Variants in TBC1D20 observed in about 807,000 individuals in gnomAD.
TBC1D20 encodes TBC1 domain family member 20, also known as chromosome 20 open reading frame 140.
Under a neutral mutation model 41.6 loss-of-function variants are expected in TBC1D20, and 12 were observed. That is an observed-to-expected ratio of 0.29 (90% CI 0.18 to 0.47). The LOEUF (loss-of-function observed/expected upper bound fraction) is 0.47, where lower values mean the gene tolerates loss of function less well. Among genes scored for constraint, TBC1D20 ranks in the 20% least tolerant of loss-of-function variants. The pLI is 1.00. For missense variants in TBC1D20, 421 were observed against 517.4 expected, an observed-to-expected ratio of 0.81 and a Z score of 1.81; for synonymous variants, 205 against 204.8, an observed-to-expected ratio of 1.00 and a Z score of -0.01.
chr20:461,180 C>A (rs145301892), intron 1 of TBC1D20, among the ~76,000 whole-genome samples: 29 of 152,272 alleles, frequency 1.9e-4, no homozygotes, highest in African/African-American at 6.7e-4. Context: ...GGGAAAGTCA[C>A]CTTAGTCTTC....
At chr20:453,177 A>AAC (rs2017477702) in intron 1 of TBC1D20, among the ~76,000 whole-genome samples, 1 of 140,510 alleles carries the variant, frequency 7.1e-6, no homozygotes, top group Non-Finnish European at 1.6e-5. Flanking sequence ...AAAAAAAAAA[A>AAC]AAAAAAAAAA....
chr20:442,315 A>G (rs2017250542), intron 3 of TBC1D20, among the ~76,000 whole-genome samples: 2 of 152,248 alleles, frequency 1.3e-5, no homozygotes. Flanking sequence ...AATTTCAACT[A>G]TGGGAGCCAC....
At chr20:461,641 C>T (rs764894669) in intron 1 of TBC1D20, among the ~76,000 whole-genome samples, 1 of 152,206 alleles carries the variant, frequency 6.6e-6, no homozygotes, top group African/African-American at 2.4e-5. Context: ...GGATTACAGG[C>T]GCGAGCCATG....
chr20:454,281 A>G (rs2017504501), intron 1 of TBC1D20, among the ~76,000 whole-genome samples: 1 of 125,050 alleles, frequency 8.0e-6, no homozygotes. Flanking sequence ...TCACCTGCTT[A>G]TACAAGAAAA....
chr20:455,690 T>C (rs2017527689), intron 1 of TBC1D20, among the ~76,000 whole-genome samples: 1 of 151,964 alleles, frequency 6.6e-6, no homozygotes, highest in African/African-American at 2.4e-5. Context: ...CCCAGCACTT[T>C]GGGAAGTCGA....
At chr20:458,872 G>A (rs1374670094) in intron 1 of TBC1D20, among the ~76,000 whole-genome samples, 1 of 152,154 alleles carries the variant, frequency 6.6e-6, no homozygotes, top group Non-Finnish European at 1.5e-5. Flanking sequence ...CCCAGAGGAG[G>A]ATGCTGTCCC....
At position 437,983 on chromosome 20, in the gene TBC1D20, T is replaced by C. The variant is rs975667297; in HGVS notation, c.*603A>G. ...CTTCCCACTTGACTGGAAACGCCCA[T>C]GTGATTTCTAGGCTGAAAATAGGTA... is the stretch of plus-strand genomic sequence containing the variant. On this transcript the variant is annotated 3_prime_UTR_variant, in exon 8 of 8. Transcript: ENST00000354200. 2.0e-5 allele frequency: 3 copies of C among 152,998 alleles called. No homozygotes were observed. The highest frequency in any genetic ancestry group is 2.4e-5 in the African/African-American group (1 of 41,432). The allele number at this position is 152,998 out of a possible 1,614,324, so 9.5% of individuals were successfully genotyped here.
At chr20:459,587 C>A (rs2017596250) in intron 1 of TBC1D20, among the ~76,000 whole-genome samples, 1 of 152,146 alleles carries the variant, frequency 6.6e-6, no homozygotes, top group African/African-American at 2.4e-5. Context: ...GTAATTCATT[C>A]AACAAAGGAA....
Position 439,080 on chromosome 20 carries a change from A to T in TBC1D20, c.956+28T>A. The T allele has an allele frequency of 6.3e-7, 1 of 1,590,840 alleles. No homozygotes were observed. Among genetic ancestry groups the T allele is most frequent in the Non-Finnish European group, 8.6e-7 (1 of 1,168,208 alleles). Reference sequence around the variant, plus strand: ...CTTCTGCTCATTTACAGCCACCCCCATTCAACCAGTGTCCCAGCCTTGCTC... The same window carrying T: ...CTTCTGCTCATTTACAGCCACCCCCTTTCAACCAGTGTCCCAGCCTTGCTC... On this transcript the variant is annotated intron_variant, in intron 7 of 7. Transcript: ENST00000354200. This position sits in a 1 kb window ranked among gnomAD's most constrained non-coding sequence, Gnocchi z 4.6.
At position 439,786 on chromosome 20, in the gene TBC1D20, T is replaced by C. The variant is rs1262684605; in HGVS notation, c.768+462A>G. Reference sequence around the variant, plus strand: ...ATTGAAGGACTTCCCTGAATTCCCATCTCCACCCCATCCCTCAAGACCCTT... The same window carrying C: ...ATTGAAGGACTTCCCTGAATTCCCACCTCCACCCCATCCCTCAAGACCCTT... On this transcript the variant is annotated intron_variant, in intron 6 of 7. Transcript: ENST00000354200. The surrounding 1 kb of genome is among the most constrained non-coding windows in gnomAD (Gnocchi z 4.6). 2.0e-5 allele frequency among the ~76,000 whole-genome samples: 3 copies of C among 152,150 alleles called. No individual in the cohort carries two copies. Among genetic ancestry groups the C allele is most frequent in the Non-Finnish European group, 4.4e-5 (3 of 68,018 alleles).
chr20:461,642 G>A (rs1019149427), intron 1 of TBC1D20, among the ~76,000 whole-genome samples: 4 of 152,212 alleles, frequency 2.6e-5, no homozygotes, highest in African/African-American at 9.7e-5. Flanking sequence ...GATTACAGGC[G>A]CGAGCCATGG....
rs867772193 is a variant in TBC1D20 at position 437,544 on chromosome 20, C to A, written c.*1042G>T. 6.6e-6 allele frequency: 1 copy of A among 152,464 alleles called. No homozygotes were observed. The highest frequency in any genetic ancestry group is 6.5e-5 in the Admixed American group (1 of 15,282). The allele number at this position is 152,464 out of a possible 1,614,324, so 9.4% of individuals were successfully genotyped here. On this transcript the variant is annotated 3_prime_UTR_variant, in exon 8 of 8. Transcript: ENST00000354200. Reference sequence around the variant, plus strand: ...TTTCCAACCAGGTGGGAGAGACCAGCAGTTGACGAGTCAAGTCAGACCCAA... The same window carrying A: ...TTTCCAACCAGGTGGGAGAGACCAGAAGTTGACGAGTCAAGTCAGACCCAA...
Position 462,476 on chromosome 20 carries a change from G to T in TBC1D20, c.-71C>A. 1.1e-6 allele frequency: 1 copy of T among 919,032 alleles called. No homozygotes were observed. Among genetic ancestry groups the T allele is most frequent in the Non-Finnish European group, 1.4e-6 (1 of 716,156 alleles). 56.9% of individuals were successfully genotyped at this position (919,032 alleles called of 1,614,324 possible). ...GCCGGGAGAAGACGCGGCTCCGACC[G>T]CGGGACGTAGCACCCGCTCGGCATC... is the stretch of plus-strand genomic sequence containing the variant. On this transcript the variant is annotated 5_prime_UTR_variant, in exon 1 of 8. Transcript: ENST00000354200.
intron 2 of TBC1D20, among the ~76,000 whole-genome samples, chr20:446,104 A>G (rs1012028931): frequency 5.1e-4 from 77 of 152,400 alleles, no homozygotes; most frequent in African/African-American, 1.8e-3. Context: ...ATATTTGCCA[A>G]CTGAAAGAAT....
chr20:451,664 C>T (rs1600338646), intron 1 of TBC1D20, among the ~76,000 whole-genome samples: 1 of 152,144 alleles, frequency 6.6e-6, no homozygotes. Flanking sequence ...ACTTTTGTCT[C>T]CTATTGCTTC....
chr20:438,690 A>G lies in TBC1D20; in HGVS notation c.1108T>C (p.Leu370=). The G allele has an allele frequency of 6.2e-7, 1 of 1,614,180 alleles. No individual in the cohort carries two copies. The highest frequency in any genetic ancestry group is 8.5e-7 in the Non-Finnish European group (1 of 1,180,024). The change falls in exon 8 of 8, where the codon TTG becomes CTG. Residue 370 remains leucine (L), a synonymous_variant. Coordinates refer to ENST00000354200, the MANE Select transcript of TBC1D20 (RefSeq NM_144628.4). ...TKPRTNRFVK[L]AVMGLTVALG... ...GCCACTGTCAGCCCCATCACTGCCA[A>G]TTTCACAAAGCGGTTGGTCCTTGGC...
intron 1 of TBC1D20, among the ~76,000 whole-genome samples, chr20:457,839 G>T (rs998484032): frequency 6.6e-6 from 1 of 152,154 alleles, no homozygotes; most frequent in Non-Finnish European, 1.5e-5. Flanking sequence ...TTTTCAAGAG[G>T]GGTCAAAAAC....
intron 3 of TBC1D20, among the ~76,000 whole-genome samples, chr20:443,221 T>TA (rs1276786524): frequency 5.3e-5 from 8 of 152,102 alleles, no homozygotes; most frequent in Non-Finnish European, 1.2e-4. Flanking sequence ...TATATAAAAA[T>TA]AAAAAAATTT....
At chr20:453,013 G>C (rs976163448) in intron 1 of TBC1D20, among the ~76,000 whole-genome samples, 2 of 151,448 alleles carry the variant, frequency 1.3e-5, no homozygotes, top group Non-Finnish European at 2.9e-5. Context: ...GCCGGGCGTG[G>C]TGGCACAGGC....
Sources: gnomAD v4.1 joint callset for allele counts (sites outside exome capture counted in the v4.1 genomes callset) on GRCh38, gnomAD v4.1.1 for gene constraint, Gnocchi (gnomAD v3.1) non-coding constraint, MANE v1.5 for transcripts, NCBI Gene and HGNC (gene_info 2026-07-23, HGNC 2026-07-21) for gene names.